Variants in NUP93 observed in about 807,000 individuals in gnomAD.
The protein encoded by NUP93 is nuclear pore complex protein Nup93.
NUP93 carries 55 observed loss-of-function variants against 107.8 expected under a neutral mutation model. That is an observed-to-expected ratio of 0.51 (90% CI 0.41 to 0.64). The LOEUF is 0.64. Ranked by LOEUF, NUP93 falls within the 30% of genes least tolerant of loss-of-function variation. The pLI is 0.00. For missense variants in NUP93, 937 were observed against 1,044.7 expected (o/e 0.90, Z 1.42); for synonymous variants, 390 against 397.5 (o/e 0.98, Z 0.22).
At chr16:56,805,659 C>T (rs370965609) in intron 5 of NUP93, 27 bp downstream of exon 5, 14 of 1,601,890 alleles carry the variant, frequency 8.7e-6, no homozygotes, top group African/African-American at 4.0e-5. Flanking sequence ...AGATAAACTA[C>T]TGTTAATAAA....
chr16:56,799,561 G>C (rs1962976579), intron 4 of NUP93, among the ~76,000 whole-genome samples: 1 of 152,226 alleles, frequency 6.6e-6, no homozygotes, highest in Non-Finnish European at 1.5e-5. Flanking sequence ...TAGAAGTGCA[G>C]CTTTCCCCAG....
chr16:56,757,112 G>A (rs183023124), intron 2 of NUP93, among the ~76,000 whole-genome samples: 2 of 152,296 alleles, frequency 1.3e-5, no homozygotes, highest in African/African-American at 2.4e-5. Flanking sequence ...ATCTGTTGCT[G>A]TAGTATTTAT....
At chr16:56,790,937 GT>G (rs1738526249) in intron 3 of NUP93, among the ~76,000 whole-genome samples, 1 of 151,938 alleles carries the variant, frequency 6.6e-6, no homozygotes, top group Non-Finnish European at 1.5e-5. Flanking sequence ...CTTAGCAATG[GT>G]TTTTCAACAA....
intron 5 of NUP93, among the ~76,000 whole-genome samples, chr16:56,817,179 T>C (rs1457724425): frequency 6.6e-6 from 1 of 152,162 alleles, no homozygotes; most frequent in Non-Finnish European, 1.5e-5. Context: ...TCACCTAGGA[T>C]AGCCCCTTCA....
chr16:56,766,318 T>C (rs1452577636), intron 3 of NUP93, among the ~76,000 whole-genome samples: 2 of 152,188 alleles, frequency 1.3e-5, no homozygotes, highest in Non-Finnish European at 2.9e-5. Context: ...ACTTCAGATA[T>C]TGGCCAGGCT....
At position 56,752,160 on chromosome 16, in the gene NUP93, T is replaced by C. The variant is rs541043279; in HGVS notation, c.179+3734T>C. Among the ~76,000 whole-genome samples, 20 of 152,368 alleles carry C rather than the reference T, an allele frequency of 1.3e-4. No homozygotes were observed. The South Asian group carries it at 3.5e-3, about 27-fold the overall frequency. On this transcript the variant is annotated intron_variant, in intron 2 of 21. Coordinates refer to ENST00000308159, the MANE Select transcript of NUP93 (RefSeq NM_014669.5). ...CACTGGATACATTCTTATGTGTCTC[T>C]GGTAGAGTACAGCACCATGGGACAA...
chr16:56,819,479 C>T (rs1355041622), intron 6 of NUP93, among the ~76,000 whole-genome samples: 1 of 152,234 alleles, frequency 6.6e-6, no homozygotes, highest in South Asian at 2.1e-4. Flanking sequence ...CCTCCACCAG[C>T]AGTGGTCCAG....
intron 7 of NUP93, among the ~76,000 whole-genome samples, chr16:56,822,324 C>T (rs1306440167): frequency 6.6e-6 from 1 of 151,426 alleles, no homozygotes; most frequent in African/African-American, 2.4e-5. Context: ...CCAGCTTGGG[C>T]AACATGGCAA....
chr16:56,764,794 G>A (rs1339483717), intron 3 of NUP93, among the ~76,000 whole-genome samples: 1 of 152,206 alleles, frequency 6.6e-6, no homozygotes, highest in Admixed American at 6.5e-5. Context: ...TGAAGGAAAA[G>A]TGCAGTAAAA....
chr16:56,827,125 G>A (rs1334122836), intron 8 of NUP93, among the ~76,000 whole-genome samples: 2 of 144,454 alleles, frequency 1.4e-5, no homozygotes, highest in South Asian at 2.2e-4. Context: ...TCTCTCTGTT[G>A]TTTTATTTAA....
chr16:56,751,713 T>A (rs910253709), intron 2 of NUP93, among the ~76,000 whole-genome samples: 1 of 152,160 alleles, frequency 6.6e-6, no homozygotes, highest in African/African-American at 2.4e-5. Flanking sequence ...AACCCAGGCC[T>A]CCTGACATTT....
chr16:56,834,126 A>C lies in NUP93; in HGVS notation c.1538-2A>C. 6.2e-7 allele frequency: 1 copy of C among 1,614,108 alleles called. No individual in the cohort carries two copies. The highest frequency in any genetic ancestry group is 8.5e-7 in the Non-Finnish European group (1 of 1,180,028). On this transcript the variant is annotated splice_acceptor_variant, in intron 13 of 21. Transcript: ENST00000308159. LOFTEE classifies it high-confidence loss of function. ...TGACCCATTCTGACCCCCACAATGC[A>C]GTCAGCCACGAGCCTGGTGACCCTC...
chr16:56,804,264 G>A (rs996176002), intron 4 of NUP93, among the ~76,000 whole-genome samples: 9 of 152,122 alleles, frequency 5.9e-5, no homozygotes, highest in African/African-American at 9.7e-5. Flanking sequence ...GTACACCCAC[G>A]TTTATAGCAT....
At chr16:56,758,238 C>G (rs1334577021) in intron 2 of NUP93, among the ~76,000 whole-genome samples, 1 of 152,156 alleles carries the variant, frequency 6.6e-6, no homozygotes, top group Non-Finnish European at 1.5e-5. Flanking sequence ...GGTTTCTTTA[C>G]TATGACATGT....
At chr16:56,770,418 C>T (rs1220575188) in intron 3 of NUP93, among the ~76,000 whole-genome samples, 3 of 152,126 alleles carry the variant, frequency 2.0e-5, no homozygotes, top group Middle Eastern at 3.2e-3. Context: ...GTTTTCACCC[C>T]TTGAGTTAAG....
intron 3 of NUP93, among the ~76,000 whole-genome samples, chr16:56,768,519 C>T (rs572232228): frequency 2.0e-5 from 3 of 150,106 alleles, no homozygotes; most frequent in African/African-American, 4.9e-5. Flanking sequence ...ACCAAGATCA[C>T]GCCATTGCAC....
chr16:56,764,335 C>G (rs1407399666), intron 3 of NUP93, among the ~76,000 whole-genome samples: 2 of 152,004 alleles, frequency 1.3e-5, no homozygotes, highest in East Asian at 3.9e-4. Context: ...ACTAAAAATA[C>G]AAAAATTAGC....
At chr16:56,841,163 G>A (rs369221035) in intron 20 of NUP93, among the ~76,000 whole-genome samples, 17 of 152,144 alleles carry the variant, frequency 1.1e-4, no homozygotes, top group African/African-American at 3.9e-4. Flanking sequence ...TTGCTCCTTT[G>A]TTATTTCTGG....
chr16:56,797,394 GTCATCT>G (rs1962923913), intron 3 of NUP93, among the ~76,000 whole-genome samples: 1 of 152,188 alleles, frequency 6.6e-6, no homozygotes, highest in Admixed American at 6.5e-5. Context: ...CAATTGATGG[GTCATCT>G]TCCTTGTTCC....
Sources: gnomAD v4.1 joint callset for allele counts (sites outside exome capture counted in the v4.1 genomes callset) on GRCh38, gnomAD v4.1.1 for gene constraint, MANE v1.5 for transcripts, NCBI Gene and HGNC (gene_info 2026-07-23, HGNC 2026-07-21) for gene names.